TFAP2B: variants seen among roughly 807,000 people sequenced by gnomAD.
The protein encoded by TFAP2B is transcription factor AP-2-beta.
TFAP2B carries 9 observed loss-of-function variants against 44.3 expected under a neutral mutation model. The observed-to-expected ratio is 0.20, with a 90% CI of 0.12 to 0.35. TFAP2B has a LOEUF of 0.35. Among genes scored for constraint, TFAP2B ranks in the 10% least tolerant of loss-of-function variants. The pLI, the probability that TFAP2B is intolerant of heterozygous loss-of-function variation, is 1.00. For missense variants in TFAP2B, 509 were observed against 600.0 expected, an observed-to-expected ratio of 0.85 and a Z score of 1.59; for synonymous variants, 270 against 263.8, an observed-to-expected ratio of 1.02 and a Z score of -0.23.
intron 2 of TFAP2B, among the ~76,000 whole-genome samples, chr6:50,826,888 T>G (rs934111787): frequency 2.0e-5 from 3 of 152,150 alleles, no homozygotes; most frequent in Non-Finnish European, 4.4e-5. Context: ...GTCTAGTAAT[T>G]ACGAGTCTGA....
chr6:50,831,873 T>C (rs768878031), intron 3 of TFAP2B, among the ~76,000 whole-genome samples: 1 of 152,208 alleles, frequency 6.6e-6, no homozygotes, highest in Non-Finnish European at 1.5e-5. Flanking sequence ...TCAAATGTTG[T>C]GACTGTGGGG....
At position 50,840,314 on chromosome 6, in the gene TFAP2B, C is replaced by G. The variant is rs2113956090; in HGVS notation, c.1082+17C>G. On this transcript the variant is annotated intron_variant, in intron 6 of 6. Transcript: ENST00000393655. ...GGCCACCAAGTGAGTTTATTAGACT[C>G]TGGGCCCTCATCTCACTCCCAGCTG... 6.2e-7 allele frequency: 1 copy of G among 1,612,824 alleles called. No homozygotes were observed. The highest frequency in any genetic ancestry group is 2.2e-5 in the East Asian group (1 of 44,878).
chr6:50,826,038 G>A (rs1770495042), intron 2 of TFAP2B, among the ~76,000 whole-genome samples: 1 of 152,150 alleles, frequency 6.6e-6, no homozygotes, highest in Non-Finnish European at 1.5e-5. Flanking sequence ...CCTCGAATCC[G>A]AAGGCTTCCA....
intron 3 of TFAP2B, among the ~76,000 whole-genome samples, chr6:50,829,854 G>A (rs1770626649): frequency 6.6e-6 from 1 of 152,298 alleles, no homozygotes; most frequent in East Asian, 1.9e-4. Context: ...GGGGGAAGCT[G>A]TACTTGCAAT....
intron 3 of TFAP2B, 130 bp downstream of exon 3, chr6:50,828,809 G>A: frequency 9.1e-7 from 1 of 1,100,032 alleles, no homozygotes; most frequent in Middle Eastern, 2.1e-4. Context: ...ATAGGACAAT[G>A]GCTGTCAGAT....
At chr6:50,822,805 G>T (rs770262408) in intron 1 of TFAP2B, among the ~76,000 whole-genome samples, 1 of 152,174 alleles carries the variant, frequency 6.6e-6, no homozygotes, top group Non-Finnish European at 1.5e-5. Flanking sequence ...GGAGTGACTG[G>T]GAACTCAGAC....
chr6:50,833,369 GT>G (rs1762553862), intron 3 of TFAP2B, among the ~76,000 whole-genome samples: 1 of 152,232 alleles, frequency 6.6e-6, no homozygotes, highest in Non-Finnish European at 1.5e-5. Context: ...GACAAGAAAT[GT>G]GTCAGATCTG....
intron 4 of TFAP2B, among the ~76,000 whole-genome samples, chr6:50,837,370 T>C (rs528091763): frequency 6.6e-6 from 1 of 152,336 alleles, no homozygotes; most frequent in South Asian, 2.1e-4. Flanking sequence ...AGCCTGTATA[T>C]ATAAATTTGC....
intron 1 of TFAP2B, among the ~76,000 whole-genome samples, chr6:50,820,616 G>C (rs1003187702): frequency 6.6e-6 from 1 of 152,272 alleles, no homozygotes. Context: ...GGTGGGGATT[G>C]TTTCGGTTCG....
chr6:50,831,463 G>A (rs2113942528), intron 3 of TFAP2B, among the ~76,000 whole-genome samples: 1 of 152,238 alleles, frequency 6.6e-6, no homozygotes, highest in South Asian at 2.1e-4. Context: ...GGAGTGGGCG[G>A]GGGGAGTAAT....
At chr6:50,818,543 T>C (rs1382008900), upstream of TFAP2B, among the ~76,000 whole-genome samples, 2 of 152,202 alleles carry the variant, frequency 1.3e-5, no homozygotes, top group African/African-American at 4.8e-5. Flanking sequence ...ATAAAATGTA[T>C]ATATTATATT....
chr6:50,826,567 G>GCC (rs1491109304), intron 2 of TFAP2B, among the ~76,000 whole-genome samples: 2 of 137,100 alleles, frequency 1.5e-5, no homozygotes, highest in East Asian at 4.6e-4. Flanking sequence ...TTGTGCATGA[G>GCC]CGCGCGCGCG....
At chr6:50,820,565 GT>G (rs1235837804) in intron 1 of TFAP2B, among the ~76,000 whole-genome samples, 1 of 152,380 alleles carries the variant, frequency 6.6e-6, no homozygotes, top group East Asian at 1.9e-4. Context: ...TCTCTTTGTG[GT>G]TGTGTATCGA....
intron 6 of TFAP2B, among the ~76,000 whole-genome samples, chr6:50,841,439 G>GT (rs1554164984): frequency 6.9e-6 from 1 of 144,422 alleles, no homozygotes; most frequent in Non-Finnish European, 1.5e-5. Context: ...GGGTGTGTGT[G>GT]TGGGGGGGAT....
chr6:50,830,205 C>A, intron 3 of TFAP2B: 1 of 659,440 alleles, frequency 1.5e-6, no homozygotes, highest in Non-Finnish European at 1.9e-6. Context: ...AAGCTAGAAC[C>A]ACTTAGCTCA....
chr6:50,827,736 C>T (rs72890684), intron 2 of TFAP2B, among the ~76,000 whole-genome samples: 19 of 152,306 alleles, frequency 1.2e-4, no homozygotes, highest in African/African-American at 4.1e-4. Context: ...TGCTTTTGGA[C>T]GCCCTGGGAT....
chr6:50,839,440 T>A (rs1035963537), intron 5 of TFAP2B, among the ~76,000 whole-genome samples: 2 of 152,206 alleles, frequency 1.3e-5, no homozygotes, highest in Non-Finnish European at 2.9e-5. Flanking sequence ...AAAGGCTGTG[T>A]TTAAAGGGTA....
intron 2 of TFAP2B, among the ~76,000 whole-genome samples, chr6:50,824,470 T>C (rs546003513): frequency 3.3e-5 from 5 of 152,328 alleles, no homozygotes; most frequent in Admixed American, 1.3e-4. Context: ...ATAGTTGCAG[T>C]CCTCATCTGA....
At chr6:50,819,645 G>T (rs1261820700) in intron 1 of TFAP2B, among the ~76,000 whole-genome samples, 1 of 152,238 alleles carries the variant, frequency 6.6e-6, no homozygotes, top group Non-Finnish European at 1.5e-5. Flanking sequence ...CGTTCAATGC[G>T]TACGGGTCTC....
Sources: allele counts gnomAD v4.1 joint callset (sites outside exome capture counted in the v4.1 genomes callset), GRCh38; gene constraint gnomAD v4.1.1; transcripts MANE v1.5; gene names NCBI Gene and HGNC (gene_info 2026-07-23, HGNC 2026-07-21).